The following CHD6 variants were observed in gnomAD, a reference collection of about 807,000 sequenced individuals.
CHD6 encodes ATP-dependent chromatin remodeler CHD6.
A neutral mutation model predicts 276.9 loss-of-function variants in CHD6; 50 were observed. That is an observed-to-expected ratio of 0.18 (90% CI 0.14 to 0.23). CHD6 has a LOEUF of 0.23. Among genes scored for constraint, CHD6 ranks in the 10% least tolerant of loss-of-function variants. The pLI is 1.00. For missense variants in CHD6, 2,564 were observed against 3,365.8 expected (o/e 0.76, Z 5.89); for synonymous variants, 1,173 against 1,229.3 (o/e 0.95, Z 0.96).
chr20:41,480,398 GCAAT>G (rs1473283594), intron 16 of CHD6, among the ~76,000 whole-genome samples: 1 of 152,074 alleles, frequency 6.6e-6, no homozygotes, highest in African/African-American at 2.4e-5. Flanking sequence ...AGAAAAATAA[GCAAT>G]CAAAAAGATA....
intron 1 of CHD6, among the ~76,000 whole-genome samples, chr20:41,571,549 C>T (rs2045417840): frequency 6.6e-6 from 1 of 151,906 alleles, no homozygotes; most frequent in East Asian, 1.9e-4. Flanking sequence ...CGCCAACACA[C>T]CTGGCCAATT....
chr20:41,577,960 TAC>T (rs1223869075), intron 1 of CHD6, among the ~76,000 whole-genome samples: 1 of 152,188 alleles, frequency 6.6e-6, no homozygotes, highest in East Asian at 1.9e-4. Flanking sequence ...AATTACAAAG[TAC>T]AGTGTCTGGC....
chr20:41,449,877 A>C (rs559353189), intron 23 of CHD6, among the ~76,000 whole-genome samples: 2 of 152,150 alleles, frequency 1.3e-5, no homozygotes, highest in Non-Finnish European at 2.9e-5. Context: ...GATAACCATT[A>C]TCCTGTCTGC....
At chr20:41,570,580 C>T (rs1367861551) in intron 1 of CHD6, among the ~76,000 whole-genome samples, 3 of 152,212 alleles carry the variant, frequency 2.0e-5, no homozygotes, top group Non-Finnish European at 4.4e-5. Flanking sequence ...ACAATTTTTA[C>T]AAGGCAGTCA....
At chr20:41,597,439 G>A (rs1336781813) in intron 1 of CHD6, among the ~76,000 whole-genome samples, 2 of 152,228 alleles carry the variant, frequency 1.3e-5, no homozygotes, top group African/African-American at 4.8e-5. Flanking sequence ...CAGGACTCAA[G>A]GCCTCCTAGC....
intron 1 of CHD6, among the ~76,000 whole-genome samples, chr20:41,609,855 C>CTTTTTTTTTTTTTTTT (rs369159347): frequency 1.1e-4 from 14 of 128,228 alleles, no homozygotes; most frequent in Non-Finnish European, 1.2e-4. Context: ...TTTCTTTTTT[C>CTTTTTTTTTTTTTTTT]TTTTTTTTTT....
intron 26 of CHD6, 55 bp from the exon 27 acceptor site, chr20:41,437,389 G>T: frequency 2.3e-6 from 3 of 1,296,888 alleles, no homozygotes; most frequent in African/African-American, 1.5e-5. Context: ...CTTATCCACA[G>T]TTTCAGTTAC....
intron 3 of CHD6, among the ~76,000 whole-genome samples, chr20:41,518,958 G>A (rs948551549): frequency 2.6e-5 from 4 of 152,138 alleles, no homozygotes; most frequent in East Asian, 1.9e-4. Context: ...ATGAATATTT[G>A]TTTGCTCCTT....
intron 1 of CHD6, among the ~76,000 whole-genome samples, chr20:41,610,753 G>T (rs531510270): frequency 1.5e-5 from 2 of 134,752 alleles, no homozygotes; most frequent in African/African-American, 5.9e-5. Flanking sequence ...GTGAGACTCC[G>T]TCTCAAAAAA....
intron 28 of CHD6, among the ~76,000 whole-genome samples, chr20:41,425,808 A>C (rs1056138604): frequency 2.0e-5 from 3 of 152,172 alleles, no homozygotes; most frequent in East Asian, 1.9e-4. Flanking sequence ...AACAAAAAAA[A>C]CAAAAAAAAC....
chr20:41,513,184 G>C (rs928278455), intron 4 of CHD6, among the ~76,000 whole-genome samples, 189 bp from the exon 5 acceptor site: 2 of 152,074 alleles, frequency 1.3e-5, no homozygotes, highest in African/African-American at 4.8e-5. Context: ...AGCTGAGTAG[G>C]GGACAGAACA....
intron 29 of CHD6, among the ~76,000 whole-genome samples, chr20:41,424,912 C>A (rs1215751403): frequency 6.6e-6 from 1 of 152,172 alleles, no homozygotes; most frequent in East Asian, 1.9e-4. Flanking sequence ...ACCACATCCC[C>A]AGAGACTGGG....
At chr20:41,617,461 T>C (rs574284515) in intron 1 of CHD6, among the ~76,000 whole-genome samples, 1 of 152,294 alleles carries the variant, frequency 6.6e-6, no homozygotes, top group Non-Finnish European at 1.5e-5. Context: ...ATTTCAATTA[T>C]CTCACTAGTG....
At chr20:41,450,719 T>C (rs945893439) in intron 23 of CHD6, among the ~76,000 whole-genome samples, 7 of 152,158 alleles carry the variant, frequency 4.6e-5, no homozygotes, top group Non-Finnish European at 7.4e-5. Context: ...TACAATGCAG[T>C]GGCAGAGGGG....
At position 41,403,999 on chromosome 20, in the gene CHD6, G is replaced by A. The variant is rs1288320630; in HGVS notation, c.*594C>T. ...CCAAGGGGGAAATTATATTACTACC[G>A]GTAAGGTTTTTGTTTTTTATAAAGA... On this transcript the variant is annotated 3_prime_UTR_variant, in exon 37 of 37. Transcript: ENST00000373233. The A allele has an allele frequency of 1.4e-5, 15 of 1,051,732 alleles. No homozygotes were observed. Among genetic ancestry groups the A allele is most frequent in the South Asian group, 4.6e-5 (1 of 21,868 alleles). The allele number at this position is 1,051,732 out of a possible 1,614,324, so 65.1% of individuals were successfully genotyped here.
At chr20:41,443,465 A>G (rs1238818635) in intron 25 of CHD6, among the ~76,000 whole-genome samples, 1 of 152,190 alleles carries the variant, frequency 6.6e-6, no homozygotes, top group African/African-American at 2.4e-5. Context: ...ATTATTAATT[A>G]TATCTTCCTG....
intron 31 of CHD6, among the ~76,000 whole-genome samples, chr20:41,417,920 T>C (rs1383807707): frequency 1.3e-5 from 2 of 152,256 alleles, no homozygotes; most frequent in African/African-American, 2.4e-5. Flanking sequence ...GCTTCAGTAA[T>C]GGTGAAAGTT....
In CHD6 at chr20:41,420,558, T is replaced by C. The variant is rs61756309; in HGVS notation, c.6077A>G (p.Asp2026Gly). Residue 2026 changes from aspartate to glycine, a missense_variant, in exon 31 of 37, where the codon GAT (aspartate) becomes GGT (glycine). Transcript: ENST00000373233. ...ATCATAATCATCTTTATTCTCAAAA[T>C]CCATGTCTTCTGATTTGAGCTCACT... ...EGSELKSEDM[D>G]FENKDDYDRD... 7 of 1,613,988 alleles carry C rather than the reference T, an allele frequency of 4.3e-6. No individual in the cohort carries two copies. Among genetic ancestry groups the C allele is most frequent in the Non-Finnish European group, 5.9e-6 (7 of 1,179,978 alleles).
At chr20:41,469,735 G>A (rs1018391204) in intron 17 of CHD6, among the ~76,000 whole-genome samples, 42 of 152,176 alleles carry the variant, frequency 2.8e-4, no homozygotes, top group African/African-American at 9.9e-4. Context: ...ACATATTCAA[G>A]GTTTGAGAGA....
Sources: allele counts gnomAD v4.1 joint callset (sites outside exome capture counted in the v4.1 genomes callset), GRCh38; gene constraint gnomAD v4.1.1; transcripts MANE v1.5; gene names NCBI Gene and HGNC (gene_info 2026-07-23, HGNC 2026-07-21).